Variants in DIP2B observed in about 807,000 individuals in gnomAD.
The protein encoded by DIP2B is DIP2 acetate--CoA ligase B (putative).
DIP2B carries 76 observed loss-of-function variants against 198.0 expected under a neutral mutation model. That is an observed-to-expected ratio of 0.38 (90% CI 0.32 to 0.46). The LOEUF (loss-of-function observed/expected upper bound fraction) is 0.46, where lower values mean the gene tolerates loss of function less well. DIP2B is among the 20% of genes least tolerant of loss of function. DIP2B has a pLI of 0.99. For synonymous variants in DIP2B, 701 were observed against 739.1 expected (o/e 0.95, Z 0.84); for missense variants, 1,559 against 1,978.4 (o/e 0.79, Z 4.02).
intron 1 of DIP2B, among the ~76,000 whole-genome samples, chr12:50,574,450 G>C (rs1052744395): frequency 6.6e-6 from 1 of 152,212 alleles, no homozygotes; most frequent in African/African-American, 2.4e-5. Context: ...TCATTATTCA[G>C]ACCTACCCCG....
At chr12:50,559,236 A>C (rs1358405399) in intron 1 of DIP2B, among the ~76,000 whole-genome samples, 1 of 147,150 alleles carries the variant, frequency 6.8e-6, no homozygotes, top group Non-Finnish European at 1.5e-5. Flanking sequence ...GTGACATTTT[A>C]TTTTTCCTTT....
chr12:50,654,216 T>C (rs1158573816), intron 3 of DIP2B, among the ~76,000 whole-genome samples: 1 of 152,128 alleles, frequency 6.6e-6, no homozygotes. Flanking sequence ...TTTTAGTTCC[T>C]TATGATGTAG....
At chr12:50,610,445 C>T (rs542136135) in intron 1 of DIP2B, among the ~76,000 whole-genome samples, 73 of 152,138 alleles carry the variant, frequency 4.8e-4, no homozygotes, top group African/African-American at 1.7e-3. Context: ...TTGTTTCACC[C>T]CCCTCCTCCA....
At position 50,702,749 on chromosome 12, in the gene DIP2B, A is replaced by AAT. The variant is rs1487305400; in HGVS notation, c.2326-1390_2326-1389insTA. ...CCTCATCTCTTAAAAAAAAAAAAAA[A>AAT]AAAAAAAAAGGAGGGGTGGGGAGCA... On this transcript the variant is annotated intron_variant, in intron 19 of 37. Transcript: ENST00000301180. 4.0e-5 allele frequency among the ~76,000 whole-genome samples: 6 copies of AAT among 150,226 alleles called. No homozygotes were observed. In the East Asian group the frequency reaches 1.2e-3, roughly 30 times the overall value.
At position 50,716,264 on chromosome 12, in the gene DIP2B, G is replaced by A. The variant is rs983912839; in HGVS notation, c.2851+1668G>A. Among the ~76,000 whole-genome samples the A allele has an allele frequency of 3.4e-5, 5 of 145,960 alleles. No homozygotes were observed. The Admixed American group carries it at 3.5e-4, about 10-fold the overall frequency. On this transcript the variant is annotated intron_variant, in intron 23 of 37. Transcript: ENST00000301180. ...TATTGCATATTTACTTAAAATTGTA[G>A]TAGACACTTTGTAGACTAAAACTGT...
intron 1 of DIP2B, among the ~76,000 whole-genome samples, chr12:50,506,358 A>G (rs1257043444): frequency 6.6e-6 from 1 of 152,198 alleles, no homozygotes; most frequent in African/African-American, 2.4e-5. Flanking sequence ...AACTCCCAGG[A>G]GCTTATTAAA....
chr12:50,672,178 A>C (rs993426159), intron 5 of DIP2B, among the ~76,000 whole-genome samples: 1 of 152,132 alleles, frequency 6.6e-6, no homozygotes. Flanking sequence ...TGACCTGTCT[A>C]TATCACCTAA....
intron 1 of DIP2B, among the ~76,000 whole-genome samples, chr12:50,506,655 A>T (rs1269667821): frequency 6.6e-6 from 1 of 152,082 alleles, no homozygotes; most frequent in Non-Finnish European, 1.5e-5. Context: ...GAAGTGTTTA[A>T]GAAGATAGGA....
At chr12:50,630,294 T>C (rs1206392973) in intron 2 of DIP2B, among the ~76,000 whole-genome samples, 1 of 152,122 alleles carries the variant, frequency 6.6e-6, no homozygotes, top group East Asian at 1.9e-4. Flanking sequence ...TTCAAAGTTA[T>C]TTATAATATT....
intron 1 of DIP2B, among the ~76,000 whole-genome samples, chr12:50,508,853 T>C (rs1378039742): frequency 1.3e-5 from 2 of 152,020 alleles, no homozygotes; most frequent in African/African-American, 2.4e-5. Context: ...ATTACAGGCA[T>C]GCGCCACCAC....
At chr12:50,703,004 T>C (rs1298598587) in intron 19 of DIP2B, among the ~76,000 whole-genome samples, 1 of 152,104 alleles carries the variant, frequency 6.6e-6, no homozygotes, top group Admixed American at 6.6e-5. Context: ...GGCAGGAGAA[T>C]TGTTTGAGGT....
intron 1 of DIP2B, among the ~76,000 whole-genome samples, chr12:50,550,241 A>G (rs902261639): frequency 8.5e-5 from 13 of 152,200 alleles, no homozygotes; most frequent in Admixed American, 2.0e-4. Flanking sequence ...TTCAGGGCTT[A>G]CTAACAGTGT....
intron 2 of DIP2B, among the ~76,000 whole-genome samples, chr12:50,640,517 C>T (rs1565854917): frequency 6.6e-6 from 1 of 152,120 alleles, no homozygotes; most frequent in Non-Finnish European, 1.5e-5. Flanking sequence ...CTCCTATCAA[C>T]CTGTTGACAT....
At chr12:50,693,963 A>G (rs1177784298) in intron 14 of DIP2B, among the ~76,000 whole-genome samples, 1 of 152,130 alleles carries the variant, frequency 6.6e-6, no homozygotes, top group South Asian at 2.1e-4. Flanking sequence ...TGTCTTGTGT[A>G]TGCTTGATTA....
chr12:50,706,986 C>T (rs1939525070), intron 21 of DIP2B, among the ~76,000 whole-genome samples: 1 of 152,170 alleles, frequency 6.6e-6, no homozygotes, highest in African/African-American at 2.4e-5. Context: ...TGCATTTCTT[C>T]AATGCAAAAG....
chr12:50,674,359 A>G, intron 5 of DIP2B, 115 bp from the exon 6 acceptor site: 1 of 1,060,282 alleles, frequency 9.4e-7, no homozygotes, highest in African/African-American at 1.6e-5. Flanking sequence ...GTTTTACAAG[A>G]GCCAGTGCCC....
At chr12:50,601,533 T>A (rs755453129) in intron 1 of DIP2B, among the ~76,000 whole-genome samples, 11 of 152,046 alleles carry the variant, frequency 7.2e-5, no homozygotes, top group Non-Finnish European at 1.5e-4. Flanking sequence ...AGAGATGGGG[T>A]TTCACTGTGT....
chr12:50,740,843 G>C (rs1238957622), intron 36 of DIP2B, among the ~76,000 whole-genome samples: 1 of 152,086 alleles, frequency 6.6e-6, no homozygotes, highest in African/African-American at 2.4e-5. Flanking sequence ...TCCCTCTCAA[G>C]TCCTGTCTTT....
chr12:50,719,102 CTCTT>C, intron 25 of DIP2B, 67 bp downstream of exon 25: 1 of 1,504,036 alleles, frequency 6.6e-7, no homozygotes, highest in Non-Finnish European at 9.0e-7. Context: ...CACTCTTGAT[CTCTT>C]TCTTTCATCA....
Sources: allele counts gnomAD v4.1 joint callset (sites outside exome capture counted in the v4.1 genomes callset), GRCh38; gene constraint gnomAD v4.1.1; transcripts MANE v1.5; gene names NCBI Gene and HGNC (gene_info 2026-07-23, HGNC 2026-07-21).